MAP3K21: variants seen among roughly 807,000 people sequenced by gnomAD.
MAP3K21 encodes the protein mitogen-activated protein kinase kinase kinase MLK4.
A neutral mutation model predicts 86.1 loss-of-function variants in MAP3K21; 63 were observed. That is an observed-to-expected ratio of 0.73 (90% CI 0.60 to 0.90). The LOEUF is 0.90. MAP3K21 is among the 40% of genes least tolerant of loss of function. The probability of loss-of-function intolerance (pLI) is 0.00; values close to 1 mark genes in which losing one functional copy is unlikely to be tolerated. For synonymous variants in MAP3K21, 558 were observed against 564.8 expected (o/e 0.99, Z 0.17); for missense variants, 1,220 against 1,367.7 (o/e 0.89, Z 1.70).
At chr1:233,339,015 A>G (rs903634071) in intron 1 of MAP3K21, among the ~76,000 whole-genome samples, 3 of 152,214 alleles carry the variant, frequency 2.0e-5, no homozygotes, top group African/African-American at 7.2e-5. Flanking sequence ...CGTAGTCTCC[A>G]GTCTTTAGAG....
chr1:233,359,351 C>G (rs920518908), intron 4 of MAP3K21, among the ~76,000 whole-genome samples: 1 of 152,130 alleles, frequency 6.6e-6, no homozygotes, highest in Non-Finnish European at 1.5e-5. Flanking sequence ...CCTTGAAATA[C>G]AGCATTTATG....
At chr1:233,334,327 T>A (rs765124093) in intron 1 of MAP3K21, among the ~76,000 whole-genome samples, 4 of 152,128 alleles carry the variant, frequency 2.6e-5, no homozygotes, top group Non-Finnish European at 5.9e-5. Flanking sequence ...GCCTTTAAAG[T>A]CAGTCAGATC....
intron 3 of MAP3K21, 46 bp from the exon 4 acceptor site, chr1:233,354,790 A>AATTTCTTGGGGATAATCTG: frequency 6.8e-7 from 1 of 1,472,030 alleles, no homozygotes; most frequent in Non-Finnish European, 9.4e-7. Flanking sequence ...TAGCAACTCT[A>AATTTCTTGGGGATAATCTG]AACTGCGTTG....
At position 233,328,126 on chromosome 1, in the gene MAP3K21, G is replaced by A; in HGVS notation, c.98G>A (p.Gly33Asp). 1 of 1,411,072 alleles carries A rather than the reference G, an allele frequency of 7.1e-7. No homozygotes were observed. The allele number at this position is 1,411,072 out of a possible 1,614,324, so 87.4% of individuals were successfully genotyped here. The part of the protein sequence containing the change: ...GSASSSSTSS[G>D]GSASAGAGLW... ...GCGTCCTCGTCGTCCACCTCCTCGG[G>A]CGGCTCGGCCTCGGCGGGCGCGGGG... The change falls in exon 1 of 10, where the codon GGC (glycine) becomes GAC (aspartate). Residue 33 changes from glycine to aspartate, a missense_variant. Gly to Asp is a moderately conservative substitution (Grantham distance 94). Transcript: ENST00000366624. The surrounding 1 kb of genome is among the most constrained non-coding windows in gnomAD (Gnocchi z 8.7).
Position 233,382,828 on chromosome 1 carries a change from A to T in MAP3K21, c.*117A>T, listed in dbSNP as rs1162647732. ...TTCAAAAGCTGTGGCCATGTTCCTA[A>T]ATTAGTAAGATATATCCAGCTTCTC... On this transcript the variant is annotated 3_prime_UTR_variant, in exon 10 of 10. Coordinates refer to ENST00000366624, the MANE Select transcript of MAP3K21 (RefSeq NM_032435.3). The T allele has an allele frequency of 2.3e-6, 2 of 858,240 alleles. No homozygotes were observed. Among genetic ancestry groups the T allele is most frequent in the Non-Finnish European group, 3.5e-6 (2 of 564,472 alleles). The allele number at this position is 858,240 out of a possible 1,614,324, so 53.2% of individuals were successfully genotyped here. A position where few individuals can be genotyped will look rare whatever the true frequency, so the allele number is the denominator to read the frequency against.
intron 4 of MAP3K21, among the ~76,000 whole-genome samples, chr1:233,360,912 G>A (rs1663456147): frequency 6.6e-6 from 1 of 152,200 alleles, no homozygotes; most frequent in Non-Finnish European, 1.5e-5. Flanking sequence ...AAAGCTCAGA[G>A]CCCAACACTC....
chr1:233,346,717 T>C, intron 2 of MAP3K21, 95 bp downstream of exon 2: 1 of 1,053,784 alleles, frequency 9.5e-7, no homozygotes, highest in Non-Finnish European at 1.4e-6. Flanking sequence ...GCATAAATAG[T>C]CGAGGCCTTT....
At chr1:233,380,783 C>T (rs551607314) in intron 9 of MAP3K21, among the ~76,000 whole-genome samples, 3 of 152,094 alleles carry the variant, frequency 2.0e-5, no homozygotes, top group Admixed American at 6.6e-5. Flanking sequence ...TTCAAACTTA[C>T]GGAAAATTAA....
At chr1:233,374,568 A>G (rs1663752697) in intron 6 of MAP3K21, among the ~76,000 whole-genome samples, 1 of 152,116 alleles carries the variant, frequency 6.6e-6, no homozygotes, top group Non-Finnish European at 1.5e-5. Context: ...GTAACCAAAC[A>G]TCATCCACAA....
Position 233,328,209 on chromosome 1 carries a change from C to G in MAP3K21, c.181C>G (p.Arg61Gly). The G allele has an allele frequency of 6.7e-7, 1 of 1,488,000 alleles. No individual in the cohort carries two copies. The highest frequency in any genetic ancestry group is 8.9e-7 in the Non-Finnish European group (1 of 1,127,180). The allele number at this position is 1,488,000 out of a possible 1,614,324, so 92.2% of individuals were successfully genotyped here. ...CGGCGAGGACGAGCTGAGCCTGCGGCGCGGCCAGCTGGTGGAGGTGCTGTC... is the reference window on the plus strand; with the variant it reads ...CGGCGAGGACGAGCTGAGCCTGCGGGGCGGCCAGCTGGTGGAGGTGCTGTC... ...ARGEDELSLR[R>G]GQLVEVLSQD... Residue 61 changes from arginine to glycine, a missense_variant, in exon 1 of 10, where the codon CGC becomes GGC. Transcript: ENST00000366624. This position sits in a 1 kb window ranked among gnomAD's most constrained non-coding sequence, Gnocchi z 8.7.
chr1:233,369,179 C>T (rs955953951), intron 5 of MAP3K21, among the ~76,000 whole-genome samples: 2 of 142,462 alleles, frequency 1.4e-5, no homozygotes, highest in African/African-American at 5.2e-5. Flanking sequence ...AGTTCGAAAC[C>T]AGCCTGGGCA....
In MAP3K21 at chr1:233,379,322, A is replaced by G; in HGVS notation, c.2316A>G (p.Arg772=). The G allele has an allele frequency of 6.2e-7, 1 of 1,614,222 alleles. No homozygotes were observed. Among genetic ancestry groups the G allele is most frequent in the South Asian group, 1.1e-5 (1 of 91,086 alleles). ...TCCAGCGGGCTTCCAAGTCCCGCAG[A>G]AGCGCCAGTCCTCCCACAAGCCTGC... ...GIFQRASKSR[R]SASPPTSLPS... is the part of the protein sequence containing the mutation. The change falls in exon 9 of 10, where the codon AGA becomes AGG. Residue 772 remains arginine, a synonymous_variant. Coordinates refer to ENST00000366624, the MANE Select transcript of MAP3K21 (RefSeq NM_032435.3).
intron 1 of MAP3K21, among the ~76,000 whole-genome samples, chr1:233,330,887 G>A (rs567695272): frequency 7.2e-5 from 11 of 152,172 alleles, no homozygotes; most frequent in African/African-American, 2.7e-4. Flanking sequence ...TTAATCCATA[G>A]GATTTATGGA....
Position 233,346,747 on chromosome 1 carries a change from T to C in MAP3K21, c.986+125T>C, listed in dbSNP as rs926031328. 1.1e-5 allele frequency: 9 copies of C among 826,424 alleles called. No individual in the cohort carries two copies. In the Admixed American group the frequency reaches 2.7e-4, roughly 24 times the overall value. The allele number at this position is 826,424 out of a possible 1,614,324, so 51.2% of individuals were successfully genotyped here. A position where few individuals can be genotyped will look rare whatever the true frequency, so the allele number is the denominator to read the frequency against. ...GCCTTTTTGAATGAATTTTTATGGTTTTGATCAAAATAATTGTAATGACAA... is the reference window on the plus strand; with the variant it reads ...GCCTTTTTGAATGAATTTTTATGGTCTTGATCAAAATAATTGTAATGACAA... On this transcript the variant is annotated intron_variant, in intron 2 of 9. Transcript: ENST00000366624.
chr1:233,382,546 C>A lies in MAP3K21; in HGVS notation c.2946C>A (p.Pro982=), dbSNP rs746216193. The A allele has an allele frequency of 1.4e-5, 22 of 1,614,172 alleles. No homozygotes were observed. Among genetic ancestry groups the A allele is most frequent in the Middle Eastern group, 1.6e-4 (1 of 6,062 alleles). ...ACVVGRPGPH[P]TQFLAAKERT... ...TAGTGGGTCGCCCAGGACCACATCC[C>A]ACCCAATTCCTCGCTGCCAAGGAGA... The change falls in exon 10 of 10, where the codon CCC becomes CCA. Residue 982 remains proline, a synonymous_variant. Transcript: ENST00000366624.
At chr1:233,356,630 C>T (rs1011657203) in intron 4 of MAP3K21, among the ~76,000 whole-genome samples, 4 of 152,144 alleles carry the variant, frequency 2.6e-5, no homozygotes, top group East Asian at 3.8e-4. Flanking sequence ...CCCAAGGAAA[C>T]GTGCTTAAAG....
chr1:233,339,131 CA>C (rs1662968439), intron 1 of MAP3K21, among the ~76,000 whole-genome samples: 2 of 152,138 alleles, frequency 1.3e-5, no homozygotes, highest in Non-Finnish European at 2.9e-5. Flanking sequence ...TCAACCGTAT[CA>C]AATGCCACTG....
intron 3 of MAP3K21, among the ~76,000 whole-genome samples, chr1:233,354,420 A>G (rs1378798106): frequency 6.6e-6 from 1 of 152,140 alleles, no homozygotes; most frequent in African/African-American, 2.4e-5. Context: ...TTGTTAGGCT[A>G]TTTTTGATTT....
intron 1 of MAP3K21, among the ~76,000 whole-genome samples, chr1:233,343,135 C>T (rs570811943): frequency 6.6e-6 from 1 of 152,258 alleles, no homozygotes; most frequent in South Asian, 2.1e-4. Flanking sequence ...GCTCCTATGA[C>T]TGCCTGATAT....
Sources: allele counts gnomAD v4.1 joint callset (sites outside exome capture counted in the v4.1 genomes callset), GRCh38; gene constraint gnomAD v4.1.1; non-coding constraint Gnocchi (gnomAD v3.1); transcripts MANE v1.5; gene names NCBI Gene and HGNC (gene_info 2026-07-23, HGNC 2026-07-21).